The following SAMSN1 variants were observed in gnomAD, a reference collection of about 807,000 sequenced individuals.
SAMSN1 encodes the protein SAM domain, SH3 domain and nuclear localization signals 1, also known as SAM domain-containing protein SAMSN-1.
Under a neutral mutation model 42.0 loss-of-function variants are expected in SAMSN1, and 31 were observed. That is an observed-to-expected ratio of 0.74 (90% CI 0.55 to 1.00). SAMSN1 has a LOEUF of 1.00. Ranked by LOEUF, SAMSN1 falls within the 50% of genes least tolerant of loss-of-function variation. The pLI, the probability that SAMSN1 is intolerant of heterozygous loss-of-function variation, is 0.00. For synonymous variants in SAMSN1, 178 were observed against 151.9 expected (o/e 1.17, Z -1.26); for missense variants, 464 against 439.4 (o/e 1.06, Z -0.50).
intron 2 of SAMSN1, 94 bp from the exon 3 acceptor site, chr21:14,517,135 A>G: frequency 8.3e-7 from 1 of 1,199,026 alleles, no homozygotes; most frequent in South Asian, 1.6e-5. Flanking sequence ...GAGTTTGTGG[A>G]TTTTGCATGC....
intron 2 of SAMSN1, among the ~76,000 whole-genome samples, chr21:14,621,438 T>C (rs1983002796): frequency 6.6e-6 from 1 of 152,114 alleles, no homozygotes; most frequent in African/African-American, 2.4e-5. Flanking sequence ...ATCGGGTCAC[T>C]CCCACCCTAA....
intron 4 of SAMSN1, among the ~76,000 whole-genome samples, chr21:14,612,228 G>A (rs556995035): frequency 4.2e-4 from 64 of 152,174 alleles, no homozygotes; most frequent in African/African-American, 1.4e-3. Context: ...GTGAGACTCC[G>A]TCTTAAAAAT....
intron 2 of SAMSN1, among the ~76,000 whole-genome samples, chr21:14,635,000 C>T (rs1240387737): frequency 2.0e-5 from 3 of 152,064 alleles, no homozygotes; most frequent in Non-Finnish European, 4.4e-5. Context: ...ACTATGTGGC[C>T]ATAAAGAGGA....
Position 14,485,781 on chromosome 21 carries a change from T to C in SAMSN1, c.*131A>G. On this transcript the variant is annotated 3_prime_UTR_variant, in exon 8 of 8. Coordinates refer to ENST00000400566, the MANE Select transcript of SAMSN1 (RefSeq NM_022136.5). ...GATACAAAATTTTATGTACAATTATTCAGATTAAAACATTTAAACTTTAGG... is the reference window on the plus strand; with the variant it reads ...GATACAAAATTTTATGTACAATTATCCAGATTAAAACATTTAAACTTTAGG... The C allele has an allele frequency of 1.5e-6, 1 of 665,426 alleles. No homozygotes were observed. The highest frequency in any genetic ancestry group is 2.6e-6 in the Non-Finnish European group (1 of 391,866). The allele number at this position is 665,426 out of a possible 1,614,324, so 41.2% of individuals were successfully genotyped here.
At chr21:14,619,327 A>T (rs1479211021) in intron 2 of SAMSN1, among the ~76,000 whole-genome samples, 2 of 152,216 alleles carry the variant, frequency 1.3e-5, no homozygotes, top group African/African-American at 4.8e-5. Context: ...GGGAAAGATG[A>T]TTCTGTACCA....
At chr21:14,573,576 TA>T (rs1981370806) in intron 2 of SAMSN1, among the ~76,000 whole-genome samples, 2 of 151,972 alleles carry the variant, frequency 1.3e-5, no homozygotes, top group African/African-American at 4.8e-5. Flanking sequence ...CCAGCTGAGG[TA>T]AAGGTAAAAA....
intron 4 of SAMSN1, chr21:14,612,730 T>TA (rs530446396): frequency 1.5e-6 from 1 of 658,474 alleles, no homozygotes; most frequent in Non-Finnish European, 2.8e-6. Flanking sequence ...AAGCCACTTT[T>TA]AAAAAATGTT....
Position 14,546,221 on chromosome 21 carries a change from T to C in SAMSN1, c.41A>G (p.Lys14Arg), listed in dbSNP as rs573464066. ...TCACCTTACCTTTGGTTTTTGATGTTTCTCCTTCTCTGAAACATTGGATGG... is the reference window on the plus strand; with the variant it reads ...TCACCTTACCTTTGGTTTTTGATGTCTCTCCTTCTCTGAAACATTGGATGG... ...RKPSNVSEKEKHQKPKRSSSF... is the reference protein window; with the variant it reads ...RKPSNVSEKERHQKPKRSSSF... The change falls in exon 1 of 8, where the codon AAA becomes AGA. Residue 14 changes from lysine (K) to arginine (R), a missense_variant. Coordinates refer to ENST00000400566, the MANE Select transcript of SAMSN1 (RefSeq NM_022136.5). 5 of 1,613,476 alleles carry C rather than the reference T, an allele frequency of 3.1e-6. No homozygotes were observed. The East Asian group carries it at 1.1e-4, about 36-fold the overall frequency.
chr21:14,564,964 G>A (rs1302671881), intron 2 of SAMSN1, among the ~76,000 whole-genome samples: 1 of 151,994 alleles, frequency 6.6e-6, no homozygotes, highest in Non-Finnish European at 1.5e-5. Context: ...CAACAAAAAG[G>A]GCACACCAGG....
At chr21:14,577,058 T>TTC (rs1568815797) in intron 2 of SAMSN1, among the ~76,000 whole-genome samples, 3 of 128,070 alleles carry the variant, frequency 2.3e-5, no homozygotes, top group African/African-American at 9.3e-5. Flanking sequence ...CTTTTTTTTT[T>TTC]TTTTTTTTTT....
At chr21:14,637,906 A>C in intron 2 of SAMSN1, among the ~76,000 whole-genome samples, 1 of 152,172 alleles carries the variant, frequency 6.6e-6, no homozygotes, top group East Asian at 1.9e-4. Context: ...ACTGCAAAGG[A>C]GTTCCAGTGG....
At chr21:14,502,155 A>C (rs778788441) in intron 5 of SAMSN1, among the ~76,000 whole-genome samples, 1 of 152,206 alleles carries the variant, frequency 6.6e-6, no homozygotes. Context: ...GTGTTCTTCC[A>C]TCTAAAAAAC....
chr21:14,636,402 G>T lies in SAMSN1; in HGVS notation c.156+6600C>A, dbSNP rs554013136. Among the ~76,000 whole-genome samples, 343 of 152,076 alleles carry T rather than the reference G, an allele frequency of 2.3e-3. 2 individuals are homozygous for T. Among genetic ancestry groups the T allele is most frequent in the South Asian group, 5.8e-3 (28 of 4,824 alleles). ...CATAACTCCTCACCCCACTGCCACC[G>T]CACACACTTGTGGCAGAGAGACCAA... On this transcript the variant is annotated intron_variant, in intron 2 of 15. Coordinates refer to the SAMSN1 transcript ENST00000647101.
chr21:14,499,483 C>CT (rs1420540090), intron 6 of SAMSN1, among the ~76,000 whole-genome samples: 1 of 59,180 alleles, frequency 1.7e-5, no homozygotes, highest in Non-Finnish European at 3.1e-5. Context: ...ATGACCACCC[C>CT]TTTTTAACAA....
intron 1 of SAMSN1, among the ~76,000 whole-genome samples, chr21:14,536,834 T>C (rs1979652552): frequency 6.6e-6 from 1 of 152,226 alleles, no homozygotes; most frequent in Non-Finnish European, 1.5e-5. Flanking sequence ...ACTTTCTGTC[T>C]GCCATCTTTA....
intron 1 of SAMSN1, among the ~76,000 whole-genome samples, chr21:14,647,971 C>G (rs1005999518): frequency 6.6e-6 from 1 of 150,656 alleles, no homozygotes; most frequent in Non-Finnish European, 1.5e-5. Flanking sequence ...AATTGAATAC[C>G]CTTTATTTCC....
chr21:14,558,186 C>A (rs532826366), intron 2 of SAMSN1, among the ~76,000 whole-genome samples: 5 of 152,106 alleles, frequency 3.3e-5, no homozygotes, highest in African/African-American at 1.2e-4. Flanking sequence ...GTTGAATAAA[C>A]GAATCGTCTC....
At chr21:14,616,507 A>G (rs372291175) in intron 2 of SAMSN1, among the ~76,000 whole-genome samples, 5 of 152,164 alleles carry the variant, frequency 3.3e-5, no homozygotes, top group East Asian at 1.9e-4. Flanking sequence ...GTTGAAATAC[A>G]TCTGTGATTC....
upstream of SAMSN1, chr21:14,546,378 G>A: frequency 1.4e-6 from 2 of 1,473,132 alleles, no homozygotes; most frequent in Admixed American, 2.7e-5. Context: ...CCAGGGACCT[G>A]CCACTTCCTC....
Sources: allele counts gnomAD v4.1 joint callset (sites outside exome capture counted in the v4.1 genomes callset), GRCh38; gene constraint gnomAD v4.1.1; transcripts MANE v1.5; gene names NCBI Gene and HGNC (gene_info 2026-07-23, HGNC 2026-07-21).